Variants in NELL1 observed in about 807,000 individuals in gnomAD.
NELL1 encodes protein kinase C-binding protein NELL1.
In NELL1, 76 loss-of-function variants were observed where a neutral mutation model predicts 107.4. The observed-to-expected ratio is 0.71, with a 90% confidence interval of 0.59 to 0.86. The LOEUF (loss-of-function observed/expected upper bound fraction) is 0.86. NELL1 is among the 40% of genes least tolerant of loss of function. The probability of loss-of-function intolerance (pLI) is 0.00; values close to 1 mark genes in which losing one functional copy is unlikely to be tolerated. For missense variants in NELL1, 1,024 were observed against 1,005.5 expected (o/e 1.02, Z -0.25); for synonymous variants, 353 against 341.2 (o/e 1.03, Z -0.38).
chr11:21,519,774 G>A (rs919522168), intron 15 of NELL1, among the ~76,000 whole-genome samples: 24 of 152,046 alleles, frequency 1.6e-4, no homozygotes, highest in Non-Finnish European at 3.1e-4. Flanking sequence ...CCTGGAAGTT[G>A]CAAGCCTTCA....
chr11:21,186,235 T>C (rs1856932882), intron 13 of NELL1, among the ~76,000 whole-genome samples: 1 of 151,776 alleles, frequency 6.6e-6, no homozygotes, highest in Admixed American at 6.6e-5. Context: ...GACCCTGTAG[T>C]AGGAGGGAGT....
intron 16 of NELL1, among the ~76,000 whole-genome samples, chr11:21,549,828 TTATTGCAATAGGGAAGAG>T (rs1457944656): frequency 1.3e-5 from 2 of 148,692 alleles, no homozygotes; most frequent in African/African-American, 5.0e-5. Context: ...CCCTAATAAA[TTATTGCAATAGGGAAGAG>T]GGCCCAATGT....
chr11:21,378,082 C>T (rs1039462688), intron 15 of NELL1, among the ~76,000 whole-genome samples: 1 of 151,730 alleles, frequency 6.6e-6, no homozygotes, highest in Non-Finnish European at 1.5e-5. Context: ...AAACCTTTGT[C>T]GTTTCTTTGT....
chr11:20,860,196 C>G (rs1323342774), intron 4 of NELL1, among the ~76,000 whole-genome samples: 1 of 152,154 alleles, frequency 6.6e-6, no homozygotes, highest in Non-Finnish European at 1.5e-5. Flanking sequence ...AAAGGGGCCT[C>G]TTGTGTTTTA....
At chr11:21,560,140 C>G (rs375078234) in intron 16 of NELL1, 49 bp from the exon 17 acceptor site, 3 of 1,563,588 alleles carry the variant, frequency 1.9e-6, no homozygotes, top group Non-Finnish European at 2.6e-6. Flanking sequence ...TGTTTGTTCT[C>G]TAAGTTCCCT....
intron 15 of NELL1, among the ~76,000 whole-genome samples, chr11:21,445,871 A>T (rs1005359066): frequency 6.6e-6 from 1 of 152,164 alleles, no homozygotes; most frequent in Non-Finnish European, 1.5e-5. Flanking sequence ...TAAATATGTT[A>T]TGATACTTTC....
intron 15 of NELL1, among the ~76,000 whole-genome samples, chr11:21,458,394 G>A (rs1853805414): frequency 6.6e-6 from 1 of 152,084 alleles, no homozygotes; most frequent in Admixed American, 6.6e-5. Flanking sequence ...AATCAGAGAT[G>A]TAGATAAAGA....
At chr11:20,940,446 A>G (rs1036891433) in intron 10 of NELL1, among the ~76,000 whole-genome samples, 28 of 151,834 alleles carry the variant, frequency 1.8e-4, no homozygotes, top group Admixed American at 1.8e-3. Context: ...TTTAGTAGAG[A>G]CGGGTTGTTG....
chr11:20,833,603 G>A (rs1056284293), intron 3 of NELL1, among the ~76,000 whole-genome samples: 1 of 152,184 alleles, frequency 6.6e-6, no homozygotes, highest in Admixed American at 6.5e-5. Flanking sequence ...GTGGGAGACA[G>A]ATGTTAACAA....
chr11:20,919,702 A>G (rs1425150502), intron 7 of NELL1, among the ~76,000 whole-genome samples: 1 of 152,140 alleles, frequency 6.6e-6, no homozygotes, highest in Non-Finnish European at 1.5e-5. Flanking sequence ...GGATGTAAGA[A>G]TAATTGCCAG....
In NELL1 at chr11:21,182,927, A is replaced by G. The variant is rs192915123; in HGVS notation, c.1427-46405A>G. On this transcript the variant is annotated intron_variant, in intron 13 of 19. Transcript: ENST00000357134. ...ACTGAAGAATCATTGCTAGGATGAT[A>G]CTTACAAGAAGAAGCTAAAAGGGAA... 4.6e-5 allele frequency among the ~76,000 whole-genome samples: 7 copies of G among 152,006 alleles called. No homozygotes were observed. In the East Asian group the frequency reaches 1.4e-3, roughly 29 times the overall value.
At chr11:21,365,444 C>T (rs1394525932) in intron 14 of NELL1, among the ~76,000 whole-genome samples, 3 of 152,128 alleles carry the variant, frequency 2.0e-5, no homozygotes, top group Non-Finnish European at 2.9e-5. Flanking sequence ...GATTAATCGA[C>T]AGTGTTACTG....
At chr11:20,726,763 C>G (rs1855517907) in intron 2 of NELL1, among the ~76,000 whole-genome samples, 1 of 149,656 alleles carries the variant, frequency 6.7e-6, no homozygotes, top group Non-Finnish European at 1.5e-5. Flanking sequence ...CACCCCATGA[C>G]AGGCCTCCAT....
At chr11:20,733,876 C>A (rs549863627) in intron 2 of NELL1, among the ~76,000 whole-genome samples, 1 of 152,284 alleles carries the variant, frequency 6.6e-6, no homozygotes, top group Admixed American at 6.5e-5. Flanking sequence ...CCCTCATGGA[C>A]TTTGCATTCT....
chr11:21,152,767 A>C (rs1330283459), intron 13 of NELL1, among the ~76,000 whole-genome samples: 1 of 152,174 alleles, frequency 6.6e-6, no homozygotes. Flanking sequence ...TCTTTCTAAG[A>C]ATGACCATGA....
At chr11:20,887,965 ATT>A (rs1399048036) in intron 5 of NELL1, among the ~76,000 whole-genome samples, 2 of 151,824 alleles carry the variant, frequency 1.3e-5, no homozygotes, top group Non-Finnish European at 2.9e-5. Flanking sequence ...CAGGTAAAGA[ATT>A]TTTTTTTAAT....
chr11:20,789,789 G>T (rs566833561), intron 3 of NELL1, among the ~76,000 whole-genome samples: 1 of 152,210 alleles, frequency 6.6e-6, no homozygotes, highest in South Asian at 2.1e-4. Flanking sequence ...GCTCCTAATA[G>T]AGAGGAGACC....
At chr11:20,734,860 G>A (rs897911479) in intron 2 of NELL1, among the ~76,000 whole-genome samples, 1 of 152,174 alleles carries the variant, frequency 6.6e-6, no homozygotes, top group African/African-American at 2.4e-5. Context: ...AGCAACAACA[G>A]CAGCAGTGGC....
intron 4 of NELL1, among the ~76,000 whole-genome samples, chr11:20,859,798 G>A (rs1753014864): frequency 1.7e-5 from 1 of 60,594 alleles, no homozygotes; most frequent in South Asian, 1.2e-3. Context: ...ACTAATAAGA[G>A]AGCACAGGAG....
Sources: allele counts gnomAD v4.1 joint callset (sites outside exome capture counted in the v4.1 genomes callset), GRCh38; gene constraint gnomAD v4.1.1; transcripts MANE v1.5; gene names NCBI Gene and HGNC (gene_info 2026-07-23, HGNC 2026-07-21).